Variants in COMMD2 observed in about 807,000 individuals in gnomAD.
COMMD2 encodes the protein COMM domain containing 2.
Under a neutral mutation model 22.5 loss-of-function variants are expected in COMMD2, and 25 were observed. That is an observed-to-expected ratio of 1.11 (90% confidence interval 0.81 to 1.55). The LOEUF (loss-of-function observed/expected upper bound fraction) is 1.55. COMMD2 is among the 40% of genes most tolerant of loss of function. The pLI is 0.00. For missense variants in COMMD2, 223 were observed against 232.9 expected (o/e 0.96, Z 0.28); for synonymous variants, 98 against 91.2 (o/e 1.07, Z -0.42).
Position 149,741,385 on chromosome 3 carries a change from C to G in COMMD2, c.*136G>C, listed in dbSNP as rs1467296334. ...CCAGCTTAGCTTCTGATTATGACCT[C>G]AGTATCTTGGAATAGATACTGAGGA... On this transcript the variant is annotated 3_prime_UTR_variant, in exon 5 of 5. Transcript: ENST00000473414. 2.7e-6 allele frequency: 2 copies of G among 753,918 alleles called. No individual in the cohort carries two copies. Among genetic ancestry groups the G allele is most frequent in the African/African-American group, 1.8e-5 (1 of 56,618 alleles). 46.7% of individuals were successfully genotyped at this position (753,918 alleles called of 1,614,324 possible).
chr3:149,749,217 C>T (rs770310238), intron 4 of COMMD2, among the ~76,000 whole-genome samples: 5 of 152,068 alleles, frequency 3.3e-5, no homozygotes, highest in Non-Finnish European at 7.4e-5. Flanking sequence ...TTGGCCAGGC[C>T]GGTCTCGAAC....
intron 4 of COMMD2, among the ~76,000 whole-genome samples, chr3:149,744,404 T>C (rs528163568): frequency 2.9e-4 from 44 of 152,318 alleles, no homozygotes; most frequent in African/African-American, 9.6e-4. Flanking sequence ...TTTGAAGTAG[T>C]TGTAAATGGA....
intron 4 of COMMD2, among the ~76,000 whole-genome samples, chr3:149,745,329 T>C (rs1484742491): frequency 1.3e-5 from 2 of 152,212 alleles, no homozygotes; most frequent in African/African-American, 4.8e-5. Context: ...AGAAGTCACT[T>C]AACTCCCCCT....
At chr3:149,749,922 T>C (rs1188232077) in intron 4 of COMMD2, among the ~76,000 whole-genome samples, 2 of 152,174 alleles carry the variant, frequency 1.3e-5, no homozygotes, top group African/African-American at 4.8e-5. Flanking sequence ...ATGCCTAATA[T>C]CCCTAACCAA....
rs1336987879 is a variant in COMMD2, at chr3:149,741,572, C to T, written c.549G>A (p.Leu183=). The T allele has an allele frequency of 6.2e-7, 1 of 1,614,064 alleles. No homozygotes were observed. The highest frequency in any genetic ancestry group is 8.5e-7 in the Non-Finnish European group (1 of 1,180,016). ...TACAGTGATTTGTCTTCATCTCTTC[C>T]AATGCTTGTTCCAGTTGTTGAACCA... ...LHLVQQLEQA[L]EEMKTNHCRR... is the part of the protein sequence containing the mutation. The change falls in exon 5 of 5, where the codon TTG becomes TTA. Residue 183 remains leucine, a synonymous_variant. Coordinates refer to ENST00000473414, the MANE Select transcript of COMMD2 (RefSeq NM_016094.4).
chr3:149,743,989 G>C (rs934767403), intron 4 of COMMD2, among the ~76,000 whole-genome samples: 3 of 152,090 alleles, frequency 2.0e-5, no homozygotes, highest in Non-Finnish European at 2.9e-5. Context: ...CTAGAAAAGA[G>C]ATTACATAAC....
intron 4 of COMMD2, among the ~76,000 whole-genome samples, chr3:149,742,070 A>G (rs953505225): frequency 2.0e-5 from 3 of 152,172 alleles, no homozygotes; most frequent in Non-Finnish European, 2.9e-5. Flanking sequence ...AACCAAAAAA[A>G]GATTAGTATC....
intron 4 of COMMD2, among the ~76,000 whole-genome samples, chr3:149,743,159 T>A (rs1431866041): frequency 3.3e-5 from 5 of 152,162 alleles, no homozygotes; most frequent in African/African-American, 1.2e-4. Context: ...ACTGGGTATC[T>A]ATAACCTTTC....
rs764259361 is a variant in COMMD2 at position 149,741,492 on chromosome 3, T to G, written c.*29A>C. On this transcript the variant is annotated 3_prime_UTR_variant, in exon 5 of 5. Transcript: ENST00000473414. ...TGTATATCATCAATTCATAAGTGATTCAAATGAATTAAAACCTTAAAACTG... is the reference window on the plus strand; with the variant it reads ...TGTATATCATCAATTCATAAGTGATGCAAATGAATTAAAACCTTAAAACTG... The G allele has an allele frequency of 8.5e-6, 13 of 1,537,778 alleles. No homozygotes were observed. The Admixed American group carries it at 1.2e-4, about 14-fold the overall frequency.
At chr3:149,745,066 G>A (rs1219660382) in intron 4 of COMMD2, among the ~76,000 whole-genome samples, 4 of 151,976 alleles carry the variant, frequency 2.6e-5, no homozygotes, top group Non-Finnish European at 5.9e-5. Context: ...GGGGACATTC[G>A]CACACAAGAG....
chr3:149,741,680 T>C lies in COMMD2; in HGVS notation c.441A>G (p.Ala147=), dbSNP rs199801530. The C allele has an allele frequency of 6.2e-7, 1 of 1,614,036 alleles. No individual in the cohort carries two copies. Residue 147 remains alanine (A), a synonymous_variant, in exon 5 of 5, where the codon GCA becomes GCG. Transcript: ENST00000473414. ...GATTAAGGTGTAGCTTTATAGTCACTGCTGGTTTAATCTGTTGCCTGAGAC... is the reference window on the plus strand; with the variant it reads ...GATTAAGGTGTAGCTTTATAGTCACCGCTGGTTTAATCTGTTGCCTGAGAC... ...SRSLRQQIKP[A]VTIKLHLNQN... is the part of the protein sequence containing the mutation.
intron 4 of COMMD2, among the ~76,000 whole-genome samples, chr3:149,744,653 C>T (rs551682611): frequency 1.2e-4 from 19 of 152,292 alleles, no homozygotes; most frequent in African/African-American, 3.8e-4. Flanking sequence ...ACATGAAAGG[C>T]GCCATATGTA....
rs1274354154 is a variant in COMMD2, at chr3:149,738,804, A to T, written c.*2717T>A. The T allele has an allele frequency of 1.3e-5, 2 of 152,142 alleles. No individual in the cohort carries two copies. The highest frequency in any genetic ancestry group is 2.9e-5 in the Non-Finnish European group (2 of 68,000). The allele number at this position is 152,142 out of a possible 1,614,324, so 9.4% of individuals were successfully genotyped here. A position where few individuals can be genotyped will look rare whatever the true frequency, so the allele number is the denominator to read the frequency against. On this transcript the variant is annotated 3_prime_UTR_variant, in exon 5 of 5. Coordinates refer to ENST00000473414, the MANE Select transcript of COMMD2 (RefSeq NM_016094.4). The stretch of plus-strand genomic sequence containing the variant: ...TATATATACCCTTCATGATTTTTCA[A>T]ACCATGTCAGATTCTCATTTTTCAA...
intron 4 of COMMD2, among the ~76,000 whole-genome samples, chr3:149,749,963 ATC>A (rs1377102488): frequency 1.3e-5 from 2 of 152,230 alleles, no homozygotes; most frequent in African/African-American, 4.8e-5. Flanking sequence ...CTGAGAAAGT[ATC>A]TTACACTTCT....
At chr3:149,746,507 T>C (rs545851559) in intron 4 of COMMD2, among the ~76,000 whole-genome samples, 102 of 151,844 alleles carry the variant, frequency 6.7e-4, no homozygotes, top group Middle Eastern at 3.4e-3. Context: ...TACGGTGGCT[T>C]ACGCCTGTAA....
chr3:149,739,334 G>A lies in COMMD2; in HGVS notation c.*2187C>T, dbSNP rs950461182. 1 of 152,148 alleles carries A rather than the reference G, an allele frequency of 6.6e-6. No homozygotes were observed. Among genetic ancestry groups the A allele is most frequent in the Non-Finnish European group, 1.5e-5 (1 of 68,014 alleles). 9.4% of individuals were successfully genotyped at this position (152,148 alleles called of 1,614,324 possible). ...ATGTTTGAGCAAAAAAAAGGAAGAG[G>A]CTTATTCAATGGCTTGTACTAAAAG... On this transcript the variant is annotated 3_prime_UTR_variant, in exon 5 of 5. Transcript: ENST00000473414.
At position 149,741,019 on chromosome 3, in the gene COMMD2, T is replaced by C. The variant is rs1716197916; in HGVS notation, c.*502A>G. 1 of 152,612 alleles carries C rather than the reference T, an allele frequency of 6.6e-6. No homozygotes were observed. The highest frequency in any genetic ancestry group is 2.4e-5 in the African/African-American group (1 of 41,436). 9.5% of individuals were successfully genotyped at this position (152,612 alleles called of 1,614,324 possible). On this transcript the variant is annotated 3_prime_UTR_variant, in exon 5 of 5. Coordinates refer to ENST00000473414, the MANE Select transcript of COMMD2 (RefSeq NM_016094.4). ...ACAGTTAGCACCAGGAAAGGAACTT[T>C]ACTTTAGCTTCTGATTACTTTTTTA...
intron 4 of COMMD2, among the ~76,000 whole-genome samples, chr3:149,744,178 T>C (rs918486044): frequency 1.3e-5 from 2 of 152,006 alleles, no homozygotes; most frequent in Non-Finnish European, 1.5e-5. Flanking sequence ...AAATAAAATG[T>C]CTTATGTCAA....
intron 4 of COMMD2, among the ~76,000 whole-genome samples, chr3:149,745,131 C>T (rs2108250065): frequency 6.6e-6 from 1 of 152,210 alleles, no homozygotes. Context: ...TGACCATCCC[C>T]ACATCTCCAC....
Sources: gnomAD v4.1 joint callset for allele counts (sites outside exome capture counted in the v4.1 genomes callset) on GRCh38, gnomAD v4.1.1 for gene constraint, MANE v1.5 for transcripts, NCBI Gene and HGNC (gene_info 2026-07-23, HGNC 2026-07-21) for gene names.